The following HIPK2 variants were observed in gnomAD, a reference collection of about 807,000 sequenced individuals.
The protein encoded by HIPK2 is homeodomain-interacting protein kinase 2.
A neutral mutation model predicts 113.7 loss-of-function variants in HIPK2; 27 were observed. That is an observed-to-expected ratio of 0.24 (90% confidence interval 0.17 to 0.33). HIPK2 has a LOEUF of 0.33. Among genes scored for constraint, HIPK2 ranks in the 10% least tolerant of loss-of-function variants. The pLI is 1.00. For synonymous variants in HIPK2, 631 were observed against 642.2 expected (o/e 0.98, Z 0.26); for missense variants, 1,257 against 1,588.0 (o/e 0.79, Z 3.54).
intron 2 of HIPK2, among the ~76,000 whole-genome samples, chr7:139,670,199 G>A (rs187490988): frequency 1.7e-4 from 26 of 152,064 alleles, no homozygotes; most frequent in East Asian, 3.8e-4. Flanking sequence ...TTGTTTTTCC[G>A]GGCGGGTTGG....
chr7:139,577,140 CTTTTTTTT>C (rs966966045), intron 13 of HIPK2, among the ~76,000 whole-genome samples: 8 of 91,434 alleles, frequency 8.7e-5, no homozygotes, highest in South Asian at 4.0e-4. Context: ...ACTGGGCTTC[CTTTTTTTT>C]TTTTTTTTTT....
At chr7:139,584,302 T>G (rs1206139121) in intron 12 of HIPK2, among the ~76,000 whole-genome samples, 1 of 152,056 alleles carries the variant, frequency 6.6e-6, no homozygotes, top group African/African-American at 2.4e-5. Flanking sequence ...CAGGGGCTTC[T>G]GGAAACTAGG....
chr7:139,644,011 C>T (rs913721848), intron 2 of HIPK2, among the ~76,000 whole-genome samples: 11 of 152,180 alleles, frequency 7.2e-5, no homozygotes, highest in African/African-American at 1.9e-4. Context: ...CACCAGGCCA[C>T]GCTTTATGCT....
intron 2 of HIPK2, among the ~76,000 whole-genome samples, chr7:139,666,002 T>G (rs958844936): frequency 1.1e-4 from 17 of 150,440 alleles, no homozygotes; most frequent in Admixed American, 4.0e-4. Context: ...GCTTTCAAGA[T>G]AGCAATTATG....
In HIPK2 at chr7:139,626,639, G is replaced by T; in HGVS notation, c.1581C>A (p.Val527=). The T allele has an allele frequency of 6.2e-7, 1 of 1,613,988 alleles. No individual in the cohort carries two copies. Among genetic ancestry groups the T allele is most frequent in the Non-Finnish European group, 8.5e-7 (1 of 1,179,890 alleles). The change falls in exon 6 of 15, where the codon GTC becomes GTA. Residue 527 remains valine (V), a synonymous_variant. Transcript: ENST00000406875. ...GAAAATCGAGTAAGTGTGTCATGGT[G>T]ACAAAGGGATGGTTCAGGGTTTCGA... ...TPIETLNHPF[V]TMTHLLDFPH...
In HIPK2 at chr7:139,573,119, G is replaced by T; in HGVS notation, c.3405C>A (p.Ala1135=). ...GSARHTVQHT[A]YPASIVHQVP... ...CCTGGTGGACGATGCTGGCTGGGTA[G>T]GCAGTGTGCTGCACGGTGTGGCGCG... The change falls in exon 15 of 15, where the codon GCC becomes GCA. Residue 1135 remains alanine, a synonymous_variant. Coordinates refer to ENST00000406875, the MANE Select transcript of HIPK2 (RefSeq NM_022740.5). The T allele has an allele frequency of 1.2e-6, 2 of 1,611,676 alleles. No individual in the cohort carries two copies. Among genetic ancestry groups the T allele is most frequent in the Non-Finnish European group, 1.7e-6 (2 of 1,179,180 alleles).
rs553835891 is a variant in HIPK2, at chr7:139,575,296, G to A, written c.2966-8C>T. On this transcript the variant is annotated splice_polypyrimidine_tract_variant and splice_region_variant and intron_variant, in intron 13 of 14. Transcript: ENST00000406875. ...AGTGGTGACTGGTGTTGACTGTGGC[G>A]GGAGGAGAAAGAGGTCAGATCAGTG... 21 of 1,556,914 alleles carry A rather than the reference G, an allele frequency of 1.3e-5. No individual in the cohort carries two copies. The highest frequency in any genetic ancestry group is 2.7e-5 in the African/African-American group (2 of 73,570).
Position 139,632,603 on chromosome 7 carries a change from C to T in HIPK2, c.1104-878G>A, listed in dbSNP as rs573236578. On this transcript the variant is annotated intron_variant, in intron 2 of 14. Coordinates refer to ENST00000406875, the MANE Select transcript of HIPK2 (RefSeq NM_022740.5). ...GTTCCTGAATGCAGGAGTTCTGTCC[C>T]TTCAAGGAAATCACCTAAACCCCAA... is the stretch of plus-strand genomic sequence containing the variant. Among the ~76,000 whole-genome samples the T allele has an allele frequency of 3.3e-5, 5 of 152,160 alleles. No homozygotes were observed. In the South Asian group the frequency reaches 8.3e-4, roughly 25 times the overall value.
At chr7:139,584,452 C>G (rs1294621872) in intron 12 of HIPK2, among the ~76,000 whole-genome samples, 1 of 152,192 alleles carries the variant, frequency 6.6e-6, no homozygotes, top group Non-Finnish European at 1.5e-5. Flanking sequence ...AAGGAGAGAA[C>G]CAGCAAGAAC....
Position 139,755,049 on chromosome 7 carries a change from G to A in HIPK2, c.19+22556C>T, listed in dbSNP as rs151158812. Among the ~76,000 whole-genome samples, 86 of 152,258 alleles carry A rather than the reference G, an allele frequency of 5.6e-4. No individual in the cohort carries two copies. In the East Asian group the frequency reaches 0.011, roughly 20 times the overall value. ...GGGAAGACGGCCTCACTTCCAGCAT[G>A]GGGGGGATGCACATCCTGGTCAGTT... On this transcript the variant is annotated intron_variant, in intron 1 of 14. Coordinates refer to ENST00000406875, the MANE Select transcript of HIPK2 (RefSeq NM_022740.5).
At chr7:139,762,029 T>C (rs185277842) in intron 1 of HIPK2, among the ~76,000 whole-genome samples, 68 of 152,340 alleles carry the variant, frequency 4.5e-4, no homozygotes, top group South Asian at 8.3e-4. Flanking sequence ...GAAAATGTTA[T>C]TTCTGTACTA....
At chr7:139,611,541 T>C (rs1370116318) in intron 9 of HIPK2, among the ~76,000 whole-genome samples, 2 of 152,066 alleles carry the variant, frequency 1.3e-5, no homozygotes, top group African/African-American at 4.8e-5. Context: ...GTGTTTCTAT[T>C]AATTTTTTTT....
intron 13 of HIPK2, among the ~76,000 whole-genome samples, chr7:139,577,200 G>A (rs1798521521): frequency 6.9e-6 from 1 of 144,112 alleles, no homozygotes; most frequent in African/African-American, 2.6e-5. Context: ...CCAGGCTGGA[G>A]TGCAATGGTG....
At chr7:139,657,308 G>A (rs772002713) in intron 2 of HIPK2, among the ~76,000 whole-genome samples, 6 of 152,202 alleles carry the variant, frequency 3.9e-5, no homozygotes, top group Admixed American at 1.3e-4. Flanking sequence ...AGTCAGAGTC[G>A]TCTGTTAGAC....
At chr7:139,666,859 TCTAGACCAGC>T (rs1802065310) in intron 2 of HIPK2, among the ~76,000 whole-genome samples, 1 of 152,132 alleles carries the variant, frequency 6.6e-6, no homozygotes, top group Non-Finnish European at 1.5e-5. Context: ...GGTCAGGAGT[TCTAGACCAGC>T]CTGGCCAAAA....
chr7:139,603,950 T>C (rs1169731778), intron 10 of HIPK2, 131 bp downstream of exon 10: 1 of 1,222,972 alleles, frequency 8.2e-7, no homozygotes, highest in Non-Finnish European at 1.2e-6. Flanking sequence ...CACAATATTT[T>C]TAGAAGCTTT....
At chr7:139,604,038 A>G in intron 10 of HIPK2, 43 bp downstream of exon 10, 2 of 1,612,754 alleles carry the variant, frequency 1.2e-6, no homozygotes, top group Non-Finnish European at 1.7e-6. Context: ...CGTGCCTCCC[A>G]TCCCAGACAC....
At chr7:139,660,542 AGG>A (rs1569467307) in intron 2 of HIPK2, among the ~76,000 whole-genome samples, 1 of 152,220 alleles carries the variant, frequency 6.6e-6, no homozygotes, top group Non-Finnish European at 1.5e-5. Flanking sequence ...GTCAACCCAA[AGG>A]CCCCATCGGT....
intron 1 of HIPK2, among the ~76,000 whole-genome samples, chr7:139,718,136 T>C (rs1436138375): frequency 6.6e-6 from 1 of 152,228 alleles, no homozygotes; most frequent in African/African-American, 2.4e-5. Flanking sequence ...TTGTACAAAT[T>C]ACGGTGATAC....
Sources: gnomAD v4.1 joint callset for allele counts (sites outside exome capture counted in the v4.1 genomes callset) on GRCh38, gnomAD v4.1.1 for gene constraint, MANE v1.5 for transcripts, NCBI Gene and HGNC (gene_info 2026-07-23, HGNC 2026-07-21) for gene names.